NECTIN1: variants seen among roughly 807,000 people sequenced by gnomAD.
NECTIN1 encodes nectin-1.
Under a neutral mutation model 48.0 loss-of-function variants are expected in NECTIN1, and 23 were observed. The ratio of observed to expected loss-of-function variants is 0.48; its 90% CI spans 0.34 to 0.68. NECTIN1 has a LOEUF of 0.68. Ranked by LOEUF, NECTIN1 falls within the 30% of genes least tolerant of loss-of-function variation. The pLI is 0.01. For missense variants in NECTIN1, 591 were observed against 709.9 expected, an observed-to-expected ratio of 0.83 and a Z score of 1.90; for synonymous variants, 270 against 288.9, an observed-to-expected ratio of 0.93 and a Z score of 0.66.
At chr11:119,652,962 A>C (rs1194708894) in intron 5 of NECTIN1, among the ~76,000 whole-genome samples, 1 of 152,250 alleles carries the variant, frequency 6.6e-6, no homozygotes, top group Non-Finnish European at 1.5e-5. Context: ...AATGGACAAC[A>C]GACCTCATGG....
At chr11:119,656,351 A>G (rs575969129), downstream of NECTIN1, 3 of 152,262 alleles carry the variant, frequency 2.0e-5, no homozygotes, top group Non-Finnish European at 4.4e-5. Flanking sequence ...TTGCAACGAT[A>G]CAGAGACGAT....
At chr11:119,658,314 T>C (rs1027842805), downstream of NECTIN1, among the ~76,000 whole-genome samples, 5 of 152,082 alleles carry the variant, frequency 3.3e-5, no homozygotes, top group African/African-American at 4.8e-5. Context: ...GTTCTGGGGA[T>C]GGGGAGTGGA....
At chr11:119,700,745 G>C (rs1223584868) in intron 1 of NECTIN1, among the ~76,000 whole-genome samples, 1 of 152,264 alleles carries the variant, frequency 6.6e-6, no homozygotes, top group Non-Finnish European at 1.5e-5. Flanking sequence ...GCGTGGCTCT[G>C]TCAAGGGCCT....
At chr11:119,712,199 A>G (rs1565401353) in intron 1 of NECTIN1, among the ~76,000 whole-genome samples, 1 of 152,172 alleles carries the variant, frequency 6.6e-6, no homozygotes, top group South Asian at 2.1e-4. Flanking sequence ...CCCAGTCCAC[A>G]GGCTGCGGAG....
chr11:119,728,495 A>G lies in NECTIN1; in HGVS notation c.59T>C (p.Leu20Ser). Residue 20 changes from leucine (L) to serine (S), a missense_variant, in exon 1 of 6, where the codon TTG becomes TCG. Leu to Ser is a moderately radical substitution (Grantham distance 145). Coordinates refer to ENST00000264025, the MANE Select transcript of NECTIN1 (RefSeq NM_002855.5). ...CTTACCTGGGAGGAAGAATGCGGTC[A>G]AGCCGAGAGCGAGTCCCCACCAGCG... Reference protein sequence around the residue: ...AGRWWGLALGLTAFFLPGVHS... With the variant: ...AGRWWGLALGSTAFFLPGVHS... The G allele has an allele frequency of 6.2e-7, 1 of 1,602,150 alleles. No individual in the cohort carries two copies. The highest frequency in any genetic ancestry group is 8.5e-7 in the Non-Finnish European group (1 of 1,175,188).
intron 5 of NECTIN1, among the ~76,000 whole-genome samples, chr11:119,652,848 G>A (rs995274629): frequency 5.3e-5 from 8 of 152,152 alleles, no homozygotes; most frequent in African/African-American, 1.9e-4. Flanking sequence ...AATGTTTGTA[G>A]CAACTTTAAT....
rs1038901773 is a variant in NECTIN1 at position 119,684,959 on chromosome 11, C to T, written c.80-6194G>A. 2.0e-5 allele frequency among the ~76,000 whole-genome samples: 3 copies of T among 151,860 alleles called. No individual in the cohort carries two copies. The highest frequency in any genetic ancestry group is 2.0e-4 in the Admixed American group (3 of 15,260). The stretch of plus-strand genomic sequence containing the variant: ...GCTGCCCCCTCCTGCCTCCAGACTC[C>T]CCTCTACACTCAGGATGGGGAGGAG... On this transcript the variant is annotated intron_variant, in intron 1 of 5. Transcript: ENST00000264025. The surrounding 1 kb of genome is among the most constrained non-coding windows in gnomAD (Gnocchi z 5.2).
In NECTIN1 at chr11:119,715,547, G is replaced by C. The variant is rs190235504; in HGVS notation, c.79+12928C>G. ...ATTTTTGTATTTTTAGTAGAGACAG[G>C]GTTTCACCATGTTGGCCAGGCTGGT... On this transcript the variant is annotated intron_variant, in intron 1 of 5. Coordinates refer to ENST00000264025, the MANE Select transcript of NECTIN1 (RefSeq NM_002855.5). Among the ~76,000 whole-genome samples the C allele has an allele frequency of 7.3e-3, 1,114 of 152,162 alleles. 12 individuals are homozygous for C. The highest frequency in any genetic ancestry group is 0.026 in the African/African-American group (1,067 of 41,504).
chr11:119,680,426 AC>A (rs1237279093), intron 1 of NECTIN1, among the ~76,000 whole-genome samples: 1 of 151,930 alleles, frequency 6.6e-6, no homozygotes, highest in Middle Eastern at 3.4e-3. Flanking sequence ...GATCTAAATG[AC>A]CCCCCAAGGG....
rs1864872451 is a variant in NECTIN1 at position 119,672,370 on chromosome 11, A to T, written c.1003+2789T>A. Reference sequence around the variant, plus strand: ...TCTCCCCACCTTGTCATTACCCCAGAGGGAGAAGGGAGGGAGCTTCATTTT... The same window carrying T: ...TCTCCCCACCTTGTCATTACCCCAGTGGGAGAAGGGAGGGAGCTTCATTTT... On this transcript the variant is annotated intron_variant, in intron 5 of 5. Transcript: ENST00000264025. The surrounding 1 kb of genome is among the most constrained non-coding windows in gnomAD (Gnocchi z 4.3). 6.6e-6 allele frequency among the ~76,000 whole-genome samples: 1 copy of T among 152,062 alleles called. No homozygotes were observed. Among genetic ancestry groups the T allele is most frequent in the Non-Finnish European group, 1.5e-5 (1 of 68,000 alleles).
chr11:119,669,554 C>G (rs1019992648), intron 5 of NECTIN1, among the ~76,000 whole-genome samples: 2 of 152,186 alleles, frequency 1.3e-5, no homozygotes, highest in Non-Finnish European at 2.9e-5. Flanking sequence ...CATCCTTTCC[C>G]TCTGTGGACT....
chr11:119,656,124 G>A (rs764448073), downstream of NECTIN1, among the ~76,000 whole-genome samples: 18 of 152,218 alleles, frequency 1.2e-4, no homozygotes, highest in Non-Finnish European at 2.1e-4. Context: ...TCAAACTCCC[G>A]GTCTCAAGCG....
intron 1 of NECTIN1, among the ~76,000 whole-genome samples, chr11:119,704,701 C>A (rs1865517798): frequency 2.0e-5 from 3 of 152,156 alleles, no homozygotes; most frequent in Admixed American, 1.3e-4. Flanking sequence ...GTCTCCATCT[C>A]CTCCGTGGGG....
intron 1 of NECTIN1, among the ~76,000 whole-genome samples, chr11:119,701,051 C>A (rs1301237466): frequency 6.6e-6 from 1 of 152,076 alleles, no homozygotes; most frequent in Non-Finnish European, 1.5e-5. Flanking sequence ...CGGGTGTGTG[C>A]TCAGGAGGGG....
intron 1 of NECTIN1, among the ~76,000 whole-genome samples, chr11:119,726,418 G>A (rs761639663): frequency 3.3e-5 from 5 of 152,168 alleles, no homozygotes; most frequent in Non-Finnish European, 5.9e-5. Flanking sequence ...GGAGCTGGGC[G>A]GTCCGGGAAC....
In NECTIN1 at chr11:119,650,085, A is replaced by G. The variant is rs376430829; in HGVS notation, c.1004-10073T>C. Among the ~76,000 whole-genome samples, 381 of 151,872 alleles carry G rather than the reference A, an allele frequency of 2.5e-3. 4 individuals carry two copies. The East Asian group carries it at 0.035, about 14-fold the overall frequency. ...AAGGGGGGTTGTTATCTGGCGGGCA[A>G]GAGTGGGGGTCACAAGGTACTCAGT... On this transcript the variant is annotated intron_variant, in intron 5 of 7. Coordinates refer to the NECTIN1 transcript ENST00000341398.
In NECTIN1 at chr11:119,662,766, C is replaced by T; in HGVS notation, c.*1981G>A. 1.0e-6 allele frequency: 1 copy of T among 986,536 alleles called. No homozygotes were observed. Among genetic ancestry groups the T allele is most frequent in the Non-Finnish European group, 1.2e-6 (1 of 830,546 alleles). 61.1% of individuals were successfully genotyped at this position (986,536 alleles called of 1,614,324 possible). A position where few individuals can be genotyped will look rare whatever the true frequency, so the allele number is the denominator to read the frequency against. Reference sequence around the variant, plus strand: ...TGCTGGGAAAAGCAGCCCAGCTCCTCCACCTCCCTCTGCCCTGTGGCTGGA... The same window carrying T: ...TGCTGGGAAAAGCAGCCCAGCTCCTTCACCTCCCTCTGCCCTGTGGCTGGA... On this transcript the variant is annotated 3_prime_UTR_variant, in exon 6 of 6. Coordinates refer to ENST00000264025, the MANE Select transcript of NECTIN1 (RefSeq NM_002855.5). The surrounding 1 kb of genome is among the most constrained non-coding windows in gnomAD (Gnocchi z 5.3).
At chr11:119,655,076 A>AT (rs1270161620) in intron 5 of NECTIN1, among the ~76,000 whole-genome samples, 1 of 150,500 alleles carries the variant, frequency 6.6e-6, no homozygotes, top group Non-Finnish European at 1.5e-5. Context: ...CGCCTGGCTA[A>AT]TTTTTTGTAT....
At chr11:119,644,409 C>T (rs1864367458) in intron 5 of NECTIN1, among the ~76,000 whole-genome samples, 1 of 152,220 alleles carries the variant, frequency 6.6e-6, no homozygotes, top group South Asian at 2.1e-4. Flanking sequence ...CCACCCCCCT[C>T]TCAGCCAGAT....
Sources: allele counts gnomAD v4.1 joint callset (sites outside exome capture counted in the v4.1 genomes callset), GRCh38; gene constraint gnomAD v4.1.1; non-coding constraint Gnocchi (gnomAD v3.1); transcripts MANE v1.5; gene names NCBI Gene and HGNC (gene_info 2026-07-23, HGNC 2026-07-21).